Variants in CEP112 observed in about 807,000 individuals in gnomAD.
CEP112 encodes centrosomal protein 112.
Under a neutral mutation model 153.0 loss-of-function variants are expected in CEP112, and 127 were observed. The observed-to-expected ratio is 0.83, with a 90% confidence interval of 0.72 to 0.96. The LOEUF is 0.96. CEP112 is among the 40% of genes least tolerant of loss of function. CEP112 has a pLI of 0.00. For synonymous variants in CEP112, 358 were observed against 374.4 expected, an observed-to-expected ratio of 0.96 and a Z score of 0.51; for missense variants, 1,089 against 1,101.2, an observed-to-expected ratio of 0.99 and a Z score of 0.16.
At chr17:66,121,839 C>CTA (rs2069610389) in intron 6 of CEP112, among the ~76,000 whole-genome samples, 1 of 151,998 alleles carries the variant, frequency 6.6e-6, no homozygotes, top group African/African-American at 2.4e-5. Context: ...ATTTAAATCT[C>CTA]TTTATGATAT....
chr17:65,907,217 C>A (rs1489204428), intron 19 of CEP112, among the ~76,000 whole-genome samples: 1 of 152,124 alleles, frequency 6.6e-6, no homozygotes, highest in Non-Finnish European at 1.5e-5. Context: ...TGTACTTTCA[C>A]AGTAACTTTC....
intron 4 of CEP112, among the ~76,000 whole-genome samples, chr17:66,153,397 A>G (rs2071290365): frequency 6.6e-6 from 1 of 151,982 alleles, no homozygotes; most frequent in East Asian, 1.9e-4. Context: ...ATGAACTTCA[A>G]AAACAATATT....
intron 21 of CEP112, among the ~76,000 whole-genome samples, chr17:65,760,021 A>G (rs928506190): frequency 1.3e-5 from 2 of 152,184 alleles, no homozygotes; most frequent in Non-Finnish European, 2.9e-5. Context: ...TTTTGGGGGT[A>G]CTAATGTAAA....
chr17:65,663,031 G>A (rs967232745), intron 24 of CEP112, among the ~76,000 whole-genome samples: 1 of 152,176 alleles, frequency 6.6e-6, no homozygotes, highest in Non-Finnish European at 1.5e-5. Flanking sequence ...TAAAACTGAT[G>A]TTGGCAGCAG....
At chr17:65,950,696 T>A (rs572416108) in intron 18 of CEP112, among the ~76,000 whole-genome samples, 1 of 97,400 alleles carries the variant, frequency 1.0e-5, no homozygotes, top group Admixed American at 1.2e-4. Flanking sequence ...TCTGGATACA[T>A]TACTAGTAGT....
intron 4 of CEP112, among the ~76,000 whole-genome samples, chr17:66,134,388 G>A (rs985175094): frequency 2.6e-5 from 4 of 152,060 alleles, no homozygotes; most frequent in Non-Finnish European, 4.4e-5. Context: ...ATCAACTACA[G>A]TATGACTTGC....
chr17:65,686,341 T>C (rs2047791074), intron 24 of CEP112, among the ~76,000 whole-genome samples: 1 of 152,122 alleles, frequency 6.6e-6, no homozygotes, highest in Non-Finnish European at 1.5e-5. Context: ...CAAAAAGAAG[T>C]CAATAAAAAA....
At chr17:66,096,910 A>C (rs2068370747) in intron 6 of CEP112, among the ~76,000 whole-genome samples, 1 of 151,958 alleles carries the variant, frequency 6.6e-6, no homozygotes, top group African/African-American at 2.4e-5. Flanking sequence ...TTCACATTTT[A>C]TGCTCCCAGG....
At chr17:66,172,342 G>A (rs145526989) in intron 4 of CEP112, among the ~76,000 whole-genome samples, 5,185 of 152,246 alleles carry the variant, frequency 0.034, 131 homozygotes, top group Middle Eastern at 0.062. Context: ...AGTAAATGGC[G>A]GGGTCGCCTA....
intron 21 of CEP112, among the ~76,000 whole-genome samples, chr17:65,766,513 A>T (rs1168334098): frequency 6.6e-6 from 1 of 152,086 alleles, no homozygotes; most frequent in Non-Finnish European, 1.5e-5. Flanking sequence ...GACAATAAAC[A>T]GCATAGCAGT....
chr17:65,901,064 A>G (rs1481948641), intron 20 of CEP112, among the ~76,000 whole-genome samples: 1 of 152,074 alleles, frequency 6.6e-6, no homozygotes, highest in East Asian at 1.9e-4. Context: ...TTGCCTTACC[A>G]CCTCCCGCTG....
chr17:65,789,288 C>T (rs920639968), intron 21 of CEP112, among the ~76,000 whole-genome samples: 3 of 152,136 alleles, frequency 2.0e-5, no homozygotes, highest in African/African-American at 4.8e-5. Context: ...CCTTTCTCTC[C>T]TGAATTTTTC....
chr17:66,058,431 A>G (rs977831746), intron 11 of CEP112, among the ~76,000 whole-genome samples: 1 of 152,138 alleles, frequency 6.6e-6, no homozygotes, highest in Admixed American at 6.5e-5. Flanking sequence ...ACCAACTAAA[A>G]AGCAATCTAT....
intron 20 of CEP112, among the ~76,000 whole-genome samples, chr17:65,861,702 C>T (rs559381604): frequency 8.8e-4 from 134 of 152,282 alleles, no homozygotes; most frequent in Non-Finnish European, 1.5e-3. Flanking sequence ...TATCATTTTA[C>T]AATCACCATA....
chr17:65,806,387 C>T (rs574676191), intron 21 of CEP112, among the ~76,000 whole-genome samples: 5 of 152,342 alleles, frequency 3.3e-5, no homozygotes, highest in African/African-American at 1.2e-4. Context: ...ATGGTTTGAA[C>T]GTGTCCCACG....
chr17:66,080,514 C>A (rs566117043), intron 8 of CEP112, among the ~76,000 whole-genome samples: 23 of 152,274 alleles, frequency 1.5e-4, no homozygotes, highest in African/African-American at 5.5e-4. Flanking sequence ...CAGGAAACAA[C>A]AGATGCTGGG....
chr17:65,950,526 A>T (rs1047459431), intron 18 of CEP112, among the ~76,000 whole-genome samples: 17 of 152,054 alleles, frequency 1.1e-4, no homozygotes, highest in Admixed American at 2.6e-4. Flanking sequence ...TCATTTTCAA[A>T]TATTTCACTG....
chr17:65,863,831 G>A (rs187502292), intron 20 of CEP112, among the ~76,000 whole-genome samples: 3 of 151,392 alleles, frequency 2.0e-5, no homozygotes, highest in African/African-American at 7.3e-5. Flanking sequence ...GTCTGAGGCA[G>A]AGGTGTTCCT....
intron 4 of CEP112, among the ~76,000 whole-genome samples, chr17:66,173,305 T>C (rs2072322808): frequency 6.6e-6 from 1 of 152,314 alleles, no homozygotes; most frequent in African/African-American, 2.4e-5. Context: ...GGCTGTCTCT[T>C]AGAAAGATTT....
Sources: gnomAD v4.1 joint callset for allele counts (sites outside exome capture counted in the v4.1 genomes callset) on GRCh38, gnomAD v4.1.1 for gene constraint, MANE v1.5 for transcripts, NCBI Gene and HGNC (gene_info 2026-07-23, HGNC 2026-07-21) for gene names.